The following ULK4 variants were observed in gnomAD, a reference collection of about 807,000 sequenced individuals.
ULK4 encodes the protein inactive serine/threonine-protein kinase ULK4.
Under a neutral mutation model 160.6 loss-of-function variants are expected in ULK4, and 133 were observed. The observed-to-expected ratio is 0.83, with a 90% CI of 0.72 to 0.96. ULK4 has a LOEUF of 0.96. Among genes scored for constraint, ULK4 ranks in the 40% least tolerant of loss-of-function variants. The probability of loss-of-function intolerance (pLI) is 0.00; values close to 1 mark genes in which losing one functional copy is unlikely to be tolerated. For synonymous variants in ULK4, 534 were observed against 539.8 expected (o/e 0.99, Z 0.15); for missense variants, 1,580 against 1,499.5 (o/e 1.05, Z -0.89).
intron 30 of ULK4, among the ~76,000 whole-genome samples, chr3:41,650,347 C>G (rs957437206): frequency 6.6e-6 from 1 of 152,174 alleles, no homozygotes; most frequent in Admixed American, 6.5e-5. Flanking sequence ...GAGAGAAGAG[C>G]TGCAGCCCAT....
chr3:41,665,793 GATC>G (rs2035332521), intron 29 of ULK4, among the ~76,000 whole-genome samples: 1 of 152,154 alleles, frequency 6.6e-6, no homozygotes, highest in African/African-American at 2.4e-5. Flanking sequence ...ACTGGAGAGA[GATC>G]ATTAGTTCCT....
At chr3:41,566,482 A>G (rs1442704163) in intron 31 of ULK4, among the ~76,000 whole-genome samples, 1 of 152,248 alleles carries the variant, frequency 6.6e-6, no homozygotes, top group Non-Finnish European at 1.5e-5. Flanking sequence ...TCACAAAAGA[A>G]AACTACTTCA....
chr3:41,767,772 G>A (rs563500442), intron 21 of ULK4, among the ~76,000 whole-genome samples: 92 of 152,168 alleles, frequency 6.0e-4, no homozygotes, highest in Non-Finnish European at 1.0e-3. Context: ...TCCTACAGCT[G>A]GTAGGAAAGT....
intron 25 of ULK4, among the ~76,000 whole-genome samples, chr3:41,708,549 C>CAAAATTTTGATT (rs1337228593): frequency 6.6e-6 from 1 of 151,944 alleles, no homozygotes; most frequent in Non-Finnish European, 1.5e-5. Flanking sequence ...TCAAAGGACA[C>CAAAATTTTGATT]AAAATTTTGA....
At chr3:41,798,651 A>G (rs995722197) in intron 20 of ULK4, among the ~76,000 whole-genome samples, 4 of 152,068 alleles carry the variant, frequency 2.6e-5, no homozygotes, top group Admixed American at 6.6e-5. Context: ...GCTAAAAGGG[A>G]AAAGTGGGCC....
chr3:41,898,015 T>C (rs1698226498), intron 14 of ULK4, among the ~76,000 whole-genome samples: 2 of 152,196 alleles, frequency 1.3e-5, no homozygotes, highest in Admixed American at 1.3e-4. Flanking sequence ...TCCACAGTCA[T>C]GAACCACCTA....
intron 27 of ULK4, among the ~76,000 whole-genome samples, chr3:41,693,149 T>C (rs1416370721): frequency 2.6e-5 from 4 of 152,334 alleles, no homozygotes; most frequent in South Asian, 4.1e-4. Flanking sequence ...TGTTAAGGAA[T>C]TCCCATGGCC....
At chr3:41,959,037 G>C (rs1249444261) in intron 1 of ULK4, among the ~76,000 whole-genome samples, 1 of 152,040 alleles carries the variant, frequency 6.6e-6, no homozygotes, top group African/African-American at 2.4e-5. Context: ...AGACCAGCCT[G>C]GCCAACATGG....
intron 21 of ULK4, among the ~76,000 whole-genome samples, chr3:41,773,877 T>C (rs1476488090): frequency 1.3e-5 from 2 of 152,096 alleles, no homozygotes; most frequent in Non-Finnish European, 2.9e-5. Flanking sequence ...AACAGAGATA[T>C]AGACCAATGG....
intron 35 of ULK4, among the ~76,000 whole-genome samples, chr3:41,394,116 G>A (rs139650445): frequency 1.1e-4 from 17 of 152,138 alleles, no homozygotes; most frequent in African/African-American, 4.1e-4. Flanking sequence ...ACTTTTACAC[G>A]TCAGACACCA....
At chr3:41,266,917 G>A (rs960137334) in intron 35 of ULK4, among the ~76,000 whole-genome samples, 38 of 151,370 alleles carry the variant, frequency 2.5e-4, no homozygotes, top group African/African-American at 8.8e-4. Context: ...AATACTAATG[G>A]AGGGTGTGGC....
At chr3:41,832,681 T>C (rs1470092913) in intron 18 of ULK4, among the ~76,000 whole-genome samples, 1 of 152,230 alleles carries the variant, frequency 6.6e-6, no homozygotes, top group African/African-American at 2.4e-5. Flanking sequence ...GGGCTTTACA[T>C]TTAAGTCTTT....
intron 17 of ULK4, among the ~76,000 whole-genome samples, chr3:41,856,862 C>T (rs746105805): frequency 2.6e-5 from 4 of 151,786 alleles, no homozygotes; most frequent in Non-Finnish European, 5.9e-5. Flanking sequence ...TGAGCCCAGA[C>T]TGCCCAACTG....
rs576740534 is a variant in ULK4 at position 41,705,163 on chromosome 3, G to A, written c.2687-12C>T. The A allele has an allele frequency of 1.6e-5, 25 of 1,609,706 alleles. No homozygotes were observed. Among genetic ancestry groups the A allele is most frequent in the Non-Finnish European group, 1.8e-5 (21 of 1,177,314 alleles). The stretch of plus-strand genomic sequence containing the variant: ...TGATGCTGTCAGTCCTAGAAATACA[G>A]TTAATTATTATAGGTGTTTATTTAC... On this transcript the variant is annotated splice_polypyrimidine_tract_variant and intron_variant, in intron 26 of 36. Transcript: ENST00000301831.
chr3:41,679,864 A>C (rs965687267), intron 29 of ULK4, among the ~76,000 whole-genome samples: 4 of 152,152 alleles, frequency 2.6e-5, no homozygotes, highest in Non-Finnish European at 5.9e-5. Flanking sequence ...TATCCAAAGC[A>C]CATATTTTCT....
chr3:41,314,772 A>C (rs928181935), intron 35 of ULK4, among the ~76,000 whole-genome samples: 1 of 152,002 alleles, frequency 6.6e-6, no homozygotes, highest in Admixed American at 6.6e-5. Context: ...TAATTGTTCT[A>C]TGTGTCCTTC....
chr3:41,316,963 TTTTAA>T (rs2080153187), intron 35 of ULK4, among the ~76,000 whole-genome samples: 7 of 152,126 alleles, frequency 4.6e-5, no homozygotes, highest in Admixed American at 4.6e-4. Flanking sequence ...TTCTATGCAA[TTTTAA>T]TTTAATATTA....
intron 19 of ULK4, among the ~76,000 whole-genome samples, chr3:41,816,860 G>A (rs2040980947): frequency 6.6e-6 from 1 of 152,168 alleles, no homozygotes; most frequent in Non-Finnish European, 1.5e-5. Context: ...TCAAATGTTT[G>A]CGAAGATATG....
chr3:41,613,289 C>T (rs761057893), intron 31 of ULK4, among the ~76,000 whole-genome samples: 2 of 152,080 alleles, frequency 1.3e-5, no homozygotes, highest in African/African-American at 2.4e-5. Flanking sequence ...AACTATGACA[C>T]GGTTTCTTAT....
Sources: gnomAD v4.1 joint callset for allele counts (sites outside exome capture counted in the v4.1 genomes callset) on GRCh38, gnomAD v4.1.1 for gene constraint, MANE v1.5 for transcripts, NCBI Gene and HGNC (gene_info 2026-07-23, HGNC 2026-07-21) for gene names.